The following LRRK1 variants were observed in gnomAD, a reference collection of about 807,000 sequenced individuals.
LRRK1 encodes the protein leucine-rich repeat serine/threonine-protein kinase 1.
LRRK1 carries 113 observed loss-of-function variants against 209.1 expected under a neutral mutation model. The observed-to-expected ratio is 0.54, with a 90% confidence interval of 0.46 to 0.63. LRRK1 has a LOEUF of 0.63. Among genes scored for constraint, LRRK1 ranks in the 30% least tolerant of loss-of-function variants. The probability of loss-of-function intolerance (pLI) is 0.00; values close to 1 mark genes in which losing one functional copy is unlikely to be tolerated. For synonymous variants in LRRK1, 1,144 were observed against 1,099.7 expected (o/e 1.04, Z -0.80); for missense variants, 2,284 against 2,632.2 (o/e 0.87, Z 2.89).
Position 101,029,137 on chromosome 15 carries a change from G to GCCCAC in LRRK1, c.2869_2870insCCACC (p.Leu957ProfsTer66), listed in dbSNP as rs1208274790. The GCCCAC allele has an allele frequency of 6.2e-7, 1 of 1,614,014 alleles. No homozygotes were observed. Among genetic ancestry groups the GCCCAC allele is most frequent in the Non-Finnish European group, 8.5e-7 (1 of 1,179,974 alleles). ...TGATCAGAGCAGAAGACCTCAGGATGCTGCTGGTGGGGACTGGCTTCACGC... is the reference window on the plus strand; with the variant it reads ...TGATCAGAGCAGAAGACCTCAGGATGCCCACCTGCTGGTGGGGACTGGCTTCACGC... On this transcript the variant is annotated frameshift_variant, in exon 20 of 34. Coordinates refer to ENST00000388948, the MANE Select transcript of LRRK1 (RefSeq NM_024652.6). LOFTEE classifies it high-confidence loss of function.
At chr15:100,972,917 T>TACACACACACAC (rs10629976) in intron 2 of LRRK1, among the ~76,000 whole-genome samples, 1,874 of 123,926 alleles carry the variant, frequency 0.015, 32 homozygotes, top group African/African-American at 0.037. Context: ...CGAAAAACTG[T>TACACACACACAC]ACACACACAC....
At chr15:101,041,098 T>C (rs2034732747) in intron 20 of LRRK1, among the ~76,000 whole-genome samples, 1 of 152,254 alleles carries the variant, frequency 6.6e-6, no homozygotes, top group South Asian at 2.1e-4. Flanking sequence ...TACACATTGG[T>C]GTCATGCCTG....
chr15:100,986,766 A>C (rs974913327), intron 4 of LRRK1, among the ~76,000 whole-genome samples: 1 of 152,224 alleles, frequency 6.6e-6, no homozygotes, highest in Non-Finnish European at 1.5e-5. Flanking sequence ...ATAAGTAAAC[A>C]AGCCTGTTTA....
intron 12 of LRRK1, among the ~76,000 whole-genome samples, chr15:101,017,701 C>T (rs2033607199): frequency 6.6e-6 from 1 of 152,060 alleles, no homozygotes; most frequent in African/African-American, 2.4e-5. Flanking sequence ...TCCCCCTCAC[C>T]AATGCTGCAG....
At chr15:101,040,209 C>G (rs1387932131) in intron 20 of LRRK1, among the ~76,000 whole-genome samples, 1 of 151,996 alleles carries the variant, frequency 6.6e-6, no homozygotes, top group African/African-American at 2.4e-5. Context: ...TTTTTAATTA[C>G]AAATTCAATC....
chr15:101,046,208 A>G, intron 21 of LRRK1, 56 bp downstream of exon 21: 1 of 1,559,736 alleles, frequency 6.4e-7, no homozygotes, highest in Non-Finnish European at 8.8e-7. Context: ...CTACAGTTGT[A>G]CCACTGGGGG....
rs1011967724 is a variant in LRRK1 at position 101,073,992 on chromosome 15, G to A, written c.*5144G>A. On this transcript the variant is annotated 3_prime_UTR_variant, in exon 34 of 34. Transcript: ENST00000388948. ...CACTTTCAATTTTTCCATCCTGCAA[G>A]ATCTAAATAATTCTTGTCGTAAAAT... The A allele has an allele frequency of 6.6e-6, 1 of 152,126 alleles. No homozygotes were observed. The highest frequency in any genetic ancestry group is 6.5e-5 in the Admixed American group (1 of 15,270). 9.4% of individuals were successfully genotyped at this position (152,126 alleles called of 1,614,324 possible). A position where few individuals can be genotyped will look rare whatever the true frequency, so the allele number is the denominator to read the frequency against.
At chr15:101,066,585 C>A in intron 32 of LRRK1, 55 bp from the exon 33 acceptor site, 7 of 1,544,676 alleles carry the variant, frequency 4.5e-6, no homozygotes, top group Non-Finnish European at 6.3e-6. Context: ...GCTTCACTCC[C>A]CGGAGAGCAC....
chr15:101,047,533 C>G (rs1168189170), intron 21 of LRRK1, among the ~76,000 whole-genome samples: 5 of 152,172 alleles, frequency 3.3e-5, no homozygotes, highest in Middle Eastern at 3.2e-3. Flanking sequence ...TTCCCTCACT[C>G]GAAGTTAGGA....
intron 3 of LRRK1, among the ~76,000 whole-genome samples, chr15:100,977,961 C>T (rs1295477443): frequency 6.6e-6 from 1 of 152,134 alleles, no homozygotes; most frequent in Non-Finnish European, 1.5e-5. Flanking sequence ...AAAAATGCTT[C>T]TGTGAGCAAT....
intron 10 of LRRK1, among the ~76,000 whole-genome samples, chr15:101,012,644 CCAGGCCACCCTGCA>C (rs11267836): frequency 0.89 from 134,529 of 151,952 alleles, 61,153 homozygotes; most frequent in East Asian, 1. Context: ...GGCAGAGTGC[CCAGGCCACCCTGCA>C]CAGGCTTCAG....
At chr15:101,029,861 CCTT>C (rs778727492) in intron 20 of LRRK1, among the ~76,000 whole-genome samples, 1 of 152,040 alleles carries the variant, frequency 6.6e-6, no homozygotes, top group Non-Finnish European at 1.5e-5. Context: ...GAGCGAGACT[CCTT>C]CTCAAAACAA....
At chr15:101,040,531 TTTATTA>T (rs999293748) in intron 20 of LRRK1, among the ~76,000 whole-genome samples, 5 of 152,208 alleles carry the variant, frequency 3.3e-5, no homozygotes, top group African/African-American at 9.6e-5. Flanking sequence ...ATTACTGCTC[TTTATTA>T]TTGTCTTCCT....
At chr15:100,973,757 C>T (rs557069688) in intron 2 of LRRK1, 47 bp from the exon 3 acceptor site, 2 of 1,256,956 alleles carry the variant, frequency 1.6e-6, no homozygotes, top group Non-Finnish European at 1.0e-6. Flanking sequence ...CAAGAGCACG[C>T]GGGCAGTGGG....
rs573164886 is a variant in LRRK1, at chr15:101,004,499, G to A, written c.763-4338G>A. Among the ~76,000 whole-genome samples, 11 of 152,322 alleles carry A rather than the reference G, an allele frequency of 7.2e-5. No homozygotes were observed. The South Asian group carries it at 1.0e-3, about 14-fold the overall frequency. ...GTGTCTGCTGCATAGTGGGTATGAG[G>A]TTGAGCTGCAGAGGCAGCCAGGCAG... is the stretch of plus-strand genomic sequence containing the variant. On this transcript the variant is annotated intron_variant, in intron 6 of 33. Coordinates refer to ENST00000388948, the MANE Select transcript of LRRK1 (RefSeq NM_024652.6).
intron 20 of LRRK1, 100 bp from the exon 21 acceptor site, chr15:101,045,881 C>T (rs2035045813): frequency 6.0e-6 from 6 of 1,004,666 alleles, no homozygotes; most frequent in Non-Finnish European, 9.2e-6. Flanking sequence ...CTGAGGTGTT[C>T]CAGCACAGCC....
rs1244762123 is a variant in LRRK1, at chr15:101,021,129, A to G, written c.1686A>G (p.Thr562=). The change falls in exon 13 of 34, where the codon ACA becomes ACG. Residue 562 remains threonine, a synonymous_variant. Transcript: ENST00000388948. ...GCCTGAACGACAACCACCTCGACAC[A>G]GTCCCTCCCTCGGTTTGCCTACTGA... The part of the protein sequence containing the change: ...VLCLNDNHLD[T]VPPSVCLLKS... The G allele has an allele frequency of 1.2e-6, 2 of 1,614,044 alleles. No homozygotes were observed. Among genetic ancestry groups the G allele is most frequent in the Non-Finnish European group, 1.7e-6 (2 of 1,180,010 alleles).
At chr15:100,938,701 G>C (rs1048935367) in intron 2 of LRRK1, among the ~76,000 whole-genome samples, 6 of 151,936 alleles carry the variant, frequency 3.9e-5, no homozygotes, top group East Asian at 1.9e-4. Flanking sequence ...TTTAACATAC[G>C]TTTAAATGTA....
chr15:101,012,178 G>T (rs752176466), intron 10 of LRRK1, 33 bp downstream of exon 10: 1 of 1,563,920 alleles, frequency 6.4e-7, no homozygotes, highest in East Asian at 2.3e-5. Flanking sequence ...TCTCATTTTC[G>T]GCTTTTGAGA....
Sources: gnomAD v4.1 joint callset for allele counts (sites outside exome capture counted in the v4.1 genomes callset) on GRCh38, gnomAD v4.1.1 for gene constraint, MANE v1.5 for transcripts, NCBI Gene and HGNC (gene_info 2026-07-23, HGNC 2026-07-21) for gene names.